Variants in UNC5D observed in about 807,000 individuals in gnomAD.
UNC5D encodes unc-5 netrin receptor D.
UNC5D carries 39 observed loss-of-function variants against 105.4 expected under a neutral mutation model. The ratio of observed to expected loss-of-function variants is 0.37; its 90% confidence interval spans 0.29 to 0.48. The LOEUF is 0.48. Ranked by LOEUF, UNC5D falls within the 20% of genes least tolerant of loss-of-function variation. The pLI is 0.98. For synonymous variants in UNC5D, 452 were observed against 450.4 expected, an observed-to-expected ratio of 1.00 and a Z score of -0.04; for missense variants, 991 against 1,202.4, an observed-to-expected ratio of 0.82 and a Z score of 2.60.
chr8:35,440,954 T>A (rs540767593), intron 1 of UNC5D, among the ~76,000 whole-genome samples: 1 of 152,048 alleles, frequency 6.6e-6, no homozygotes, highest in African/African-American at 2.4e-5. Flanking sequence ...CTGTATCTAC[T>A]CTTTTGAGCG....
chr8:35,394,006 T>A (rs1041012832), intron 1 of UNC5D, among the ~76,000 whole-genome samples: 1 of 152,152 alleles, frequency 6.6e-6, no homozygotes, highest in East Asian at 1.9e-4. Flanking sequence ...CTTTCTCCTT[T>A]TTCTCTCTCT....
At chr8:35,543,931 G>A (rs946643865) in intron 1 of UNC5D, among the ~76,000 whole-genome samples, 6 of 152,110 alleles carry the variant, frequency 3.9e-5, no homozygotes, top group Non-Finnish European at 5.9e-5. Flanking sequence ...ATTACCCTGC[G>A]ACAGGCACTC....
intron 7 of UNC5D, among the ~76,000 whole-genome samples, chr8:35,700,824 T>A (rs1443073946): frequency 6.6e-6 from 1 of 152,202 alleles, no homozygotes; most frequent in East Asian, 1.9e-4. Context: ...AGAGGCAATG[T>A]GGAGTCATGT....
chr8:35,300,212 C>T (rs1000222746), intron 1 of UNC5D, among the ~76,000 whole-genome samples: 1 of 151,836 alleles, frequency 6.6e-6, no homozygotes, highest in Non-Finnish European at 1.5e-5. Context: ...TTTTGAGAAG[C>T]CAAGGTGGGC....
chr8:35,795,646 G>A lies in UNC5D; in HGVS notation c.*5083G>A, dbSNP rs1331079857. On this transcript the variant is annotated 3_prime_UTR_variant, in exon 17 of 17. Coordinates refer to ENST00000404895, the MANE Select transcript of UNC5D (RefSeq NM_080872.4). ...CCTGTGCCAGGTATCAGAAATATAA[G>A]CCTCAGCAGAGGGTAACTGAAAACT... 5 of 152,150 alleles carry A rather than the reference G, an allele frequency of 3.3e-5. No individual in the cohort carries two copies. Among genetic ancestry groups the A allele is most frequent in the African/African-American group, 1.2e-4 (5 of 41,440 alleles). 9.4% of individuals were successfully genotyped at this position (152,150 alleles called of 1,614,324 possible).
At chr8:35,711,461 T>C (rs1205035518) in intron 8 of UNC5D, among the ~76,000 whole-genome samples, 1 of 152,148 alleles carries the variant, frequency 6.6e-6, no homozygotes, top group Non-Finnish European at 1.5e-5. Context: ...ATTACAGACA[T>C]GAGCCACCGC....
intron 1 of UNC5D, among the ~76,000 whole-genome samples, chr8:35,449,367 C>T (rs566987607): frequency 3.9e-5 from 6 of 152,254 alleles, no homozygotes; most frequent in African/African-American, 1.4e-4. Flanking sequence ...TATTGAGCTT[C>T]TGCTCGTGGT....
chr8:35,628,690 T>A (rs2978585), intron 4 of UNC5D, among the ~76,000 whole-genome samples: 16,595 of 152,218 alleles, frequency 0.11, 971 homozygotes, highest in African/African-American at 0.15. Flanking sequence ...GATAAGTTTT[T>A]CAGGTTCAGA....
chr8:35,755,857 A>T (rs924784673), intron 13 of UNC5D, among the ~76,000 whole-genome samples: 1 of 152,202 alleles, frequency 6.6e-6, no homozygotes, highest in African/African-American at 2.4e-5. Context: ...TGGAAAAATC[A>T]AATTACTATC....
At chr8:35,655,918 T>G (rs1016249670) in intron 4 of UNC5D, among the ~76,000 whole-genome samples, 7 of 152,236 alleles carry the variant, frequency 4.6e-5, no homozygotes, top group African/African-American at 1.7e-4. Flanking sequence ...CAAATGTTAG[T>G]CATGTACTTA....
rs917447536 is a variant in UNC5D at position 35,791,692 on chromosome 8, A to G, written c.*1129A>G. 3 of 152,160 alleles carry G rather than the reference A, an allele frequency of 2.0e-5. No individual in the cohort carries two copies. Among genetic ancestry groups the G allele is most frequent in the Non-Finnish European group, 2.9e-5 (2 of 68,026 alleles). The allele number at this position is 152,160 out of a possible 1,614,324, so 9.4% of individuals were successfully genotyped here. ...TTTGCTCTAAATGATATCTGAGTAAATAGACTTGAGGAATCCTCTACCACA... is the reference window on the plus strand; with the variant it reads ...TTTGCTCTAAATGATATCTGAGTAAGTAGACTTGAGGAATCCTCTACCACA... On this transcript the variant is annotated 3_prime_UTR_variant, in exon 17 of 17. Coordinates refer to ENST00000404895, the MANE Select transcript of UNC5D (RefSeq NM_080872.4).
chr8:35,608,140 C>T (rs1424200279), intron 4 of UNC5D, among the ~76,000 whole-genome samples: 1 of 152,102 alleles, frequency 6.6e-6, no homozygotes, highest in Admixed American at 6.5e-5. Flanking sequence ...GCTATTTAGC[C>T]CAGTACACTT....
At chr8:35,441,407 G>A (rs1399927363) in intron 1 of UNC5D, among the ~76,000 whole-genome samples, 3 of 151,868 alleles carry the variant, frequency 2.0e-5, no homozygotes, top group African/African-American at 7.2e-5. Context: ...AGGTATGTAT[G>A]TATAGGAAAA....
intron 1 of UNC5D, among the ~76,000 whole-genome samples, chr8:35,518,583 G>A (rs1220440345): frequency 6.6e-6 from 1 of 151,962 alleles, no homozygotes. Flanking sequence ...ATCTACTATT[G>A]GTAGACAGGT....
intron 1 of UNC5D, among the ~76,000 whole-genome samples, chr8:35,441,022 T>C (rs1164248081): frequency 2.0e-5 from 3 of 151,944 alleles, no homozygotes; most frequent in African/African-American, 7.2e-5. Flanking sequence ...ACTGGAAGAT[T>C]GCAGGTCTTT....
At chr8:35,674,543 G>A (rs1006104622) in intron 4 of UNC5D, among the ~76,000 whole-genome samples, 1 of 152,130 alleles carries the variant, frequency 6.6e-6, no homozygotes, top group Non-Finnish European at 1.5e-5. Context: ...CATGTATAGT[G>A]CCTAAAAGAG....
chr8:35,388,346 C>T (rs996769214), intron 1 of UNC5D, among the ~76,000 whole-genome samples: 7 of 151,822 alleles, frequency 4.6e-5, no homozygotes, highest in South Asian at 2.1e-4. Context: ...GCCTGGGTGA[C>T]GAGTGAAACC....
chr8:35,591,524 T>C (rs572408782), intron 3 of UNC5D, among the ~76,000 whole-genome samples: 13 of 152,010 alleles, frequency 8.6e-5, no homozygotes, highest in Non-Finnish European at 1.8e-4. Flanking sequence ...CTTAGAGAAC[T>C]ATTATTATTA....
chr8:35,382,377 G>C (rs867550585), intron 1 of UNC5D, among the ~76,000 whole-genome samples: 1 of 152,174 alleles, frequency 6.6e-6, no homozygotes, highest in African/African-American at 2.4e-5. Flanking sequence ...ACATTGGAGA[G>C]ACTTTCAGAA....
Sources: gnomAD v4.1 joint callset for allele counts (sites outside exome capture counted in the v4.1 genomes callset) on GRCh38, gnomAD v4.1.1 for gene constraint, MANE v1.5 for transcripts, NCBI Gene and HGNC (gene_info 2026-07-23, HGNC 2026-07-21) for gene names.